SLC43A2: variants seen among roughly 807,000 people sequenced by gnomAD.
SLC43A2 encodes large neutral amino acids transporter small subunit 4.
In SLC43A2, 38 loss-of-function variants were observed where a neutral mutation model predicts 63.2. That is an observed-to-expected ratio of 0.60 (90% CI 0.46 to 0.79). The LOEUF is 0.79. Ranked by LOEUF, SLC43A2 falls within the 30% of genes least tolerant of loss-of-function variation. SLC43A2 has a pLI of 0.00. For synonymous variants in SLC43A2, 322 were observed against 331.0 expected (o/e 0.97, Z 0.30); for missense variants, 644 against 756.2 (o/e 0.85, Z 1.74).
intron 10 of SLC43A2, 25 bp downstream of exon 10, chr17:1,585,868 AGGGGCTGCGGGCTGGGAGCC>A (rs778848126): frequency 6.2e-7 from 1 of 1,612,380 alleles, no homozygotes; most frequent in Admixed American, 1.7e-5. Flanking sequence ...GTCTTTCTGC[AGGGGCTGCGGGCTGGGAGCC>A]GGGGCACCGG....
chr17:1,606,438 C>G lies in SLC43A2; in HGVS notation c.501+6757G>C, dbSNP rs1906619404. On this transcript the variant is annotated intron_variant, in intron 5 of 13. Coordinates refer to ENST00000301335, the MANE Select transcript of SLC43A2 (RefSeq NM_152346.3). The surrounding 1 kb of genome is among the most constrained non-coding windows in gnomAD (Gnocchi z 4.7). ...CACAGAGAAATGTCTCATCGGGGAG[C>G]CTGGCAACATTTTGAAACCCGCTTT... is the stretch of plus-strand genomic sequence containing the variant. Among the ~76,000 whole-genome samples, 3 of 152,216 alleles carry G rather than the reference C, an allele frequency of 2.0e-5. No homozygotes were observed. The South Asian group carries it at 6.2e-4, about 32-fold the overall frequency.
chr17:1,583,413 A>G lies in SLC43A2; in HGVS notation c.1218-77T>C, dbSNP rs2076051683. The G allele has an allele frequency of 1.9e-6, 3 of 1,587,604 alleles. No homozygotes were observed. Among genetic ancestry groups the G allele is most frequent in the Admixed American group, 1.7e-5 (1 of 58,338 alleles). ...GGTGCTCCTGAGAAGTCAGGCCTCA[A>G]GCGTCGCAGCAGGTAAACTGACGCA... On this transcript the variant is annotated intron_variant, in intron 10 of 13. Transcript: ENST00000301335. This position sits in a 1 kb window ranked among gnomAD's most constrained non-coding sequence, Gnocchi z 5.5.
chr17:1,594,105 GT>G (rs1185621951), intron 5 of SLC43A2, among the ~76,000 whole-genome samples: 1 of 152,130 alleles, frequency 6.6e-6, no homozygotes, highest in African/African-American at 2.4e-5. Flanking sequence ...GACTACAGGC[GT>G]GAGCCACCGC....
rs1415716949 is a variant in SLC43A2, at chr17:1,570,546, G to A, written c.*5058C>T. The stretch of plus-strand genomic sequence containing the variant: ...CTGTCGCCCAGGCTGGAGTGCAGTG[G>A]CGGGATCTCGGCTCACTGCAAGCTC... On this transcript the variant is annotated 3_prime_UTR_variant, in exon 14 of 14. Coordinates refer to ENST00000301335, the MANE Select transcript of SLC43A2 (RefSeq NM_152346.3). 10 of 149,406 alleles carry A rather than the reference G, an allele frequency of 6.7e-5. No homozygotes were observed. Among genetic ancestry groups the A allele is most frequent in the African/African-American group, 2.0e-4 (8 of 40,460 alleles). 9.3% of individuals were successfully genotyped at this position (149,406 alleles called of 1,614,324 possible).
intron 5 of SLC43A2, among the ~76,000 whole-genome samples, chr17:1,598,168 A>C (rs1442890121): frequency 1.3e-5 from 2 of 152,224 alleles, no homozygotes; most frequent in African/African-American, 4.8e-5. Context: ...CACGCCTGTA[A>C]TCCCAACGCT....
rs536273293 is a variant in SLC43A2 at position 1,583,025 on chromosome 17, G to A, written c.1350+179C>T. On this transcript the variant is annotated intron_variant, in intron 11 of 13. Transcript: ENST00000301335. This position sits in a 1 kb window ranked among gnomAD's most constrained non-coding sequence, Gnocchi z 5.5. ...ACCCAGGAGGCTGAGGTTGCAGTGA[G>A]CCGAGATCACACCACTGCACTCCAG... Among the ~76,000 whole-genome samples the A allele has an allele frequency of 6.6e-6, 1 of 151,460 alleles. No homozygotes were observed. The highest frequency in any genetic ancestry group is 1.5e-5 in the Non-Finnish European group (1 of 67,784).
At position 1,591,552 on chromosome 17, in the gene SLC43A2, G is replaced by A. The variant is rs1904789001; in HGVS notation, c.728+14C>T. ...GGGGCTGGGGGCAGGCGGGACGGGG[G>A]CACCTCTACTTACGAGTAGTCCATG... On this transcript the variant is annotated intron_variant, in intron 7 of 13. Transcript: ENST00000301335. The A allele has an allele frequency of 3.2e-6, 5 of 1,559,176 alleles. No individual in the cohort carries two copies. The highest frequency in any genetic ancestry group is 4.8e-5 in the East Asian group (2 of 41,878).
At chr17:1,585,794 C>G (rs4790208) in intron 10 of SLC43A2, 119 bp downstream of exon 10, 1,590,740 of 1,601,194 alleles carry the variant, frequency 0.99, 790,471 homozygotes, top group Non-Finnish European at 1. Flanking sequence ...GCTCCGGGAG[C>G]AGCTGGAGTG....
At chr17:1,625,308 G>A (rs995157795) in intron 2 of SLC43A2, among the ~76,000 whole-genome samples, 1 of 152,178 alleles carries the variant, frequency 6.6e-6, no homozygotes, top group African/African-American at 2.4e-5. Context: ...TGTCTGTGGC[G>A]AGATTCTGGC....
intron 5 of SLC43A2, chr17:1,604,775 C>T: frequency 6.5e-7 from 1 of 1,535,836 alleles, no homozygotes. Context: ...TCCCCATGGT[C>T]CAGCGCCACA....
In SLC43A2 at chr17:1,602,764, T is replaced by G. The variant is rs1284153191; in HGVS notation, c.502-9485A>C. Among the ~76,000 whole-genome samples, 10 of 150,420 alleles carry G rather than the reference T, an allele frequency of 6.6e-5. No homozygotes were observed. The East Asian group carries it at 1.4e-3, about 20-fold the overall frequency. ...ATGGTGTTTTGTTTTTTCAGTTTTT[T>G]TTTTTTTTTTTGAGATGGAGTTTCG... is the stretch of plus-strand genomic sequence containing the variant. On this transcript the variant is annotated intron_variant, in intron 5 of 13. Transcript: ENST00000301335.
rs200602476 is a variant in SLC43A2 at position 1,593,220 on chromosome 17, G to A, written c.561C>T (p.Tyr187=). The A allele has an allele frequency of 2.3e-5, 37 of 1,613,952 alleles. No individual in the cohort carries two copies. Among genetic ancestry groups the A allele is most frequent in the Non-Finnish European group, 2.2e-5 (26 of 1,179,994 alleles). The change falls in exon 6 of 14, where the codon TAC becomes TAT. Residue 187 remains tyrosine, a synonymous_variant. Coordinates refer to ENST00000301335, the MANE Select transcript of SLC43A2 (RefSeq NM_152346.3). The surrounding 1 kb of genome is among the most constrained non-coding windows in gnomAD (Gnocchi z 5.3). ...STFIALMIGS[Y]ASSAVTFPGI... Reference sequence around the variant, plus strand: ...CTGGAAAGGTGACTGCCGAGGAGGCGTAGGACCCAATCATCAAGGCAATAA... The same window carrying A: ...CTGGAAAGGTGACTGCCGAGGAGGCATAGGACCCAATCATCAAGGCAATAA...
At position 1,578,632 on chromosome 17, in the gene SLC43A2, A is replaced by AT; in HGVS notation, c.1351-310dup. On this transcript the variant is annotated intron_variant, in intron 11 of 13. Transcript: ENST00000301335. This position sits in a 1 kb window ranked among gnomAD's most constrained non-coding sequence, Gnocchi z 6.5. ...AAGCTTCGCCTCCTGGATTCAAGCA[A>AT]TTCTCCTGCCTCAGCCTTCGGAGTA... 9.3e-6 allele frequency: 3 copies of AT among 321,860 alleles called. No homozygotes were observed. In the South Asian group the frequency reaches 1.7e-4, roughly 18 times the overall value. 19.9% of individuals were successfully genotyped at this position (321,860 alleles called of 1,614,324 possible).
At position 1,593,499 on chromosome 17, in the gene SLC43A2, C is replaced by T. The variant is rs1446492146; in HGVS notation, c.502-220G>A. ...CCAAGGAGGGAGGTAATGCAGAATA[C>T]AAGCAGTTGTCTGACTTTCCGGCTG... On this transcript the variant is annotated intron_variant, in intron 5 of 13. Coordinates refer to ENST00000301335, the MANE Select transcript of SLC43A2 (RefSeq NM_152346.3). This position sits in a 1 kb window ranked among gnomAD's most constrained non-coding sequence, Gnocchi z 5.3. Among the ~76,000 whole-genome samples the T allele has an allele frequency of 6.6e-6, 1 of 152,148 alleles. No individual in the cohort carries two copies. Among genetic ancestry groups the T allele is most frequent in the Non-Finnish European group, 1.5e-5 (1 of 68,030 alleles).
At chr17:1,590,473 C>T (rs1904639289) in intron 9 of SLC43A2, among the ~76,000 whole-genome samples, 1 of 152,144 alleles carries the variant, frequency 6.6e-6, no homozygotes, top group South Asian at 2.1e-4. Flanking sequence ...TTCAGCCATG[C>T]TCAGGTGGAG....
At position 1,578,180 on chromosome 17, in the gene SLC43A2, C is replaced by T. The variant is rs911427765; in HGVS notation, c.1424+70G>A. The T allele has an allele frequency of 7.3e-6, 11 of 1,501,630 alleles. No individual in the cohort carries two copies. The highest frequency in any genetic ancestry group is 1.4e-5 in the African/African-American group (1 of 72,666). The allele number at this position is 1,501,630 out of a possible 1,614,324, so 93.0% of individuals were successfully genotyped here. A position where few individuals can be genotyped will look rare whatever the true frequency, so the allele number is the denominator to read the frequency against. On this transcript the variant is annotated intron_variant, in intron 12 of 13. Coordinates refer to ENST00000301335, the MANE Select transcript of SLC43A2 (RefSeq NM_152346.3). This position sits in a 1 kb window ranked among gnomAD's most constrained non-coding sequence, Gnocchi z 6.5. ...TGACCCTGCCTCAGAGTCTCAGTCC[C>T]ACCAGCAACCTCCCCCCGGCCATTC...
rs866224675 is a variant in SLC43A2, at chr17:1,576,504, C to T, written c.1548+93G>A. 1.8e-5 allele frequency: 26 copies of T among 1,412,988 alleles called. No individual in the cohort carries two copies. The Middle Eastern group carries it at 5.5e-4, about 30-fold the overall frequency. 87.5% of individuals were successfully genotyped at this position (1,412,988 alleles called of 1,614,324 possible). A position where few individuals can be genotyped will look rare whatever the true frequency, so the allele number is the denominator to read the frequency against. ...CCTAACCAACGCTCCCACATGTCCT[C>T]GGGGCCCTGAAGCCCCCGAGGGGGA... is the stretch of plus-strand genomic sequence containing the variant. On this transcript the variant is annotated intron_variant, in intron 13 of 13. Coordinates refer to ENST00000301335, the MANE Select transcript of SLC43A2 (RefSeq NM_152346.3).
chr17:1,618,171 C>T (rs1295083710), intron 2 of SLC43A2, among the ~76,000 whole-genome samples: 1 of 152,344 alleles, frequency 6.6e-6, no homozygotes, highest in South Asian at 2.1e-4. Flanking sequence ...TTCATGCCAA[C>T]GTGTGGCCAA....
In SLC43A2 at chr17:1,627,685, G is replaced by GT. The variant is rs1555545975; in HGVS notation, c.160+29_160+30insA. On this transcript the variant is annotated intron_variant, in intron 2 of 13. Transcript: ENST00000301335. ...CCCTCCCAAAGCCCCAGCTCCAGGA[G>GT]CCCCCCGCAACCCCAGGCGCTTGTC... 18 of 1,390,906 alleles carry GT rather than the reference G, an allele frequency of 1.3e-5. No homozygotes were observed. In the Admixed American group the frequency reaches 4.2e-4, roughly 32 times the overall value. 86.2% of individuals were successfully genotyped at this position (1,390,906 alleles called of 1,614,324 possible).
Sources: gnomAD v4.1 joint callset for allele counts (sites outside exome capture counted in the v4.1 genomes callset) on GRCh38, gnomAD v4.1.1 for gene constraint, Gnocchi (gnomAD v3.1) non-coding constraint, MANE v1.5 for transcripts, NCBI Gene and HGNC (gene_info 2026-07-23, HGNC 2026-07-21) for gene names.